Variants in NOTCH1 observed in about 807,000 individuals in gnomAD.
NOTCH1 encodes the protein neurogenic locus notch homolog protein 1.
A neutral mutation model predicts 254.8 loss-of-function variants in NOTCH1; 37 were observed. The observed-to-expected ratio is 0.15, with a 90% CI of 0.11 to 0.19. NOTCH1 has a LOEUF of 0.19. Among genes scored for constraint, NOTCH1 ranks in the 10% least tolerant of loss-of-function variants. The pLI is 1.00. For missense variants in NOTCH1, 2,972 were observed against 3,708.6 expected, an observed-to-expected ratio of 0.80 and a Z score of 5.16; for synonymous variants, 1,731 against 1,618.1, an observed-to-expected ratio of 1.07 and a Z score of -1.68.
intron 27 of NOTCH1, chr9:136,502,742 T>C (rs948086253): frequency 1.8e-6 from 1 of 571,398 alleles, no homozygotes; most frequent in East Asian, 2.9e-5. Context: ...GGAAGGAGGA[T>C]TAGTCAACTT....
chr9:136,521,144 G>A (rs1038345960), intron 4 of NOTCH1, among the ~76,000 whole-genome samples: 3 of 152,216 alleles, frequency 2.0e-5, no homozygotes, highest in Non-Finnish European at 4.4e-5. Flanking sequence ...TGGGTGCAGG[G>A]GCCGCCGGGG....
intron 2 of NOTCH1, among the ~76,000 whole-genome samples, chr9:136,535,393 T>C (rs1386566046): frequency 6.6e-6 from 1 of 151,916 alleles, no homozygotes; most frequent in Non-Finnish European, 1.5e-5. Context: ...CCCCTGAGCC[T>C]GTGAGTGGGG....
rs1299086869 is a variant in NOTCH1, at chr9:136,504,654, G to A, written c.5018+19C>T. The A allele has an allele frequency of 2.0e-6, 3 of 1,491,344 alleles. No homozygotes were observed. The highest frequency in any genetic ancestry group is 2.7e-6 in the Non-Finnish European group (3 of 1,118,056). 92.4% of individuals were successfully genotyped at this position (1,491,344 alleles called of 1,614,324 possible). ...AGGAGAGTTGCGGGGATTGACCGTG[G>A]GCGCCGGGTCTCACTCACCCGCGGA... is the stretch of plus-strand genomic sequence containing the variant. On this transcript the variant is annotated intron_variant, in intron 26 of 33. Transcript: ENST00000651671.
Position 136,522,841 on chromosome 9 carries a change from C to T in NOTCH1, c.742+9G>A. On this transcript the variant is annotated intron_variant, in intron 4 of 33. Transcript: ENST00000651671. ...GGGCTCGTGCACCCCGGCCAGCGGGCAGCACTACCTGGCAGGCAGGCACAC... is the reference window on the plus strand; with the variant it reads ...GGGCTCGTGCACCCCGGCCAGCGGGTAGCACTACCTGGCAGGCAGGCACAC... 1 of 1,479,478 alleles carries T rather than the reference C, an allele frequency of 6.8e-7. No homozygotes were observed. Among genetic ancestry groups the T allele is most frequent in the Non-Finnish European group, 9.0e-7 (1 of 1,115,064 alleles). 91.6% of individuals were successfully genotyped at this position (1,479,478 alleles called of 1,614,324 possible).
Position 136,508,115 on chromosome 9 carries a change from T to C in NOTCH1, c.3350A>G (p.Gln1117Arg), listed in dbSNP as rs764816819. 7 of 1,608,584 alleles carry C rather than the reference T, an allele frequency of 4.4e-6. No homozygotes were observed. Among genetic ancestry groups the C allele is most frequent in the African/African-American group, 4.0e-5 (3 of 74,914 alleles). The change falls in exon 21 of 34, where the codon CAG (glutamine) becomes CGG (arginine). Residue 1117 changes from glutamine (Q) to arginine (R), a missense_variant. Physicochemically the swap from Gln to Arg is conservative, Grantham distance 43. This residue lies in a region of NOTCH1 where 1,343 missense variants were observed against 1,557.0 expected (regional missense o/e 0.86). Coordinates refer to ENST00000651671, the MANE Select transcript of NOTCH1 (RefSeq NM_017617.5). ...CGCGTCCACACAGAGCCCTCCATGC[T>C]GGCACAGGCGGGCAACGTCAACACC... ...RQGVDVARLCQHGGLCVDAGN... is the reference protein window; with the variant it reads ...RQGVDVARLCRHGGLCVDAGN...
Position 136,505,729 on chromosome 9 carries a change from G to A in NOTCH1, c.4167C>T (p.Ser1389=), listed in dbSNP as rs2133340537. Residue 1389 remains serine, a synonymous_variant, in exon 25 of 34, where the codon AGC becomes AGT. Coordinates refer to ENST00000651671, the MANE Select transcript of NOTCH1 (RefSeq NM_017617.5). ...TGPECQFPAS[S]PCLGGNPCYN... is the part of the protein sequence containing the mutation. ...AGCAGGGGTTGCCGCCCAGGCAGGG[G>A]CTGCTGGCCGGGAACTGGCATTCGG... is the stretch of plus-strand genomic sequence containing the variant. 1 of 1,594,642 alleles carries A rather than the reference G, an allele frequency of 6.3e-7. No individual in the cohort carries two copies. Among genetic ancestry groups the A allele is most frequent in the Non-Finnish European group, 8.6e-7 (1 of 1,168,644 alleles).
chr9:136,516,205 ACT>A, intron 9 of NOTCH1, 111 bp from the exon 10 acceptor site: 1 of 778,894 alleles, frequency 1.3e-6, no homozygotes, highest in Non-Finnish European at 2.2e-6. Flanking sequence ...CCCAGGGCAC[ACT>A]CAGCCTGAGC....
rs1564568642 is a variant in NOTCH1, at chr9:136,497,329, G to A, written c.6410C>T (p.Pro2137Leu). Reference sequence around the variant, plus strand: ...GTAGCCGTTGGGCGAGCAGAGCGGGGGCGACAGGGTGGGCGTGCCCCCCAG... The same window carrying A: ...GTAGCCGTTGGGCGAGCAGAGCGGGAGCGACAGGGTGGGCGTGCCCCCCAG... The part of the protein sequence containing the change: ...APLGGTPTLS[P>L]PLCSPNGYLG... Residue 2137 changes from proline (P) to leucine (L), a missense_variant, in exon 34 of 34, where the codon CCC (proline) becomes CTC (leucine). Around this residue, in one of 8 missense-constraint regions of NOTCH1, gnomAD observed 529 missense variants for 529.2 expected, o/e 1.00. Coordinates refer to ENST00000651671, the MANE Select transcript of NOTCH1 (RefSeq NM_017617.5). 1 of 1,606,272 alleles carries A rather than the reference G, an allele frequency of 6.2e-7. No individual in the cohort carries two copies. The highest frequency in any genetic ancestry group is 8.5e-7 in the Non-Finnish European group (1 of 1,179,408).
chr9:136,520,732 C>CA lies in NOTCH1; in HGVS notation c.743-1168dup, dbSNP rs10711760. 7.6e-3 allele frequency among the ~76,000 whole-genome samples: 1,065 copies of CA among 140,602 alleles called. 6 individuals carry two copies. Among genetic ancestry groups the CA allele is most frequent in the Non-Finnish European group, 0.012 (766 of 63,968 alleles). The allele number at this position is 140,602 out of a possible 152,430, so 92.2% of individuals were successfully genotyped here. A position where few individuals can be genotyped will look rare whatever the true frequency, so the allele number is the denominator to read the frequency against. ...CAGCCTGAGTGACAGAGACCTGTCT[C>CA]AAAAAAAAAAAAAAAATTCAGAGCC... On this transcript the variant is annotated intron_variant, in intron 4 of 33. Coordinates refer to ENST00000651671, the MANE Select transcript of NOTCH1 (RefSeq NM_017617.5).
chr9:136,503,010 C>T, intron 27 of NOTCH1, 172 bp downstream of exon 27: 1 of 952,824 alleles, frequency 1.0e-6, no homozygotes, highest in Non-Finnish European at 1.6e-6. Flanking sequence ...GTGACCGCCG[C>T]AGGTGGGGGC....
chr9:136,509,106 G>A (rs1051666376), intron 18 of NOTCH1, 35 bp from the exon 19 acceptor site: 17 of 1,520,738 alleles, frequency 1.1e-5, no homozygotes, highest in Non-Finnish European at 1.5e-5. Context: ...GCTGAGTGGA[G>A]GGCATTGGTG....
chr9:136,505,966 T>C lies in NOTCH1; in HGVS notation c.4015-85A>G, dbSNP rs572525599. ...CTCACACCCAGCCCTCGGCCAGCAG[T>C]GCCACCGCTCTCCTCTAACCTGGGA... On this transcript the variant is annotated intron_variant, in intron 24 of 33. Transcript: ENST00000651671. The C allele has an allele frequency of 7.2e-5, 89 of 1,237,746 alleles. No individual in the cohort carries two copies. The African/African-American group carries it at 1.2e-3, about 17-fold the overall frequency. 76.7% of individuals were successfully genotyped at this position (1,237,746 alleles called of 1,614,324 possible).
intron 12 of NOTCH1, 31 bp downstream of exon 12, chr9:136,515,259 G>C (rs2133362179): frequency 1.3e-6 from 2 of 1,592,584 alleles, no homozygotes; most frequent in Non-Finnish European, 1.7e-6. Flanking sequence ...TGAGCACAGT[G>C]CAGTCAGCCC....
In NOTCH1 at chr9:136,496,216, G is replaced by T; in HGVS notation, c.7523C>A (p.Pro2508His). The T allele has an allele frequency of 6.2e-7, 1 of 1,608,650 alleles. No individual in the cohort carries two copies. Residue 2508 changes from proline (P) to histidine (H), a missense_variant, in exon 34 of 34, where the codon CCC becomes CAC. Coordinates refer to ENST00000651671, the MANE Select transcript of NOTCH1 (RefSeq NM_017617.5). ...GGACTCAGGGGACGGGGTGAGGAAG[G>T]GGTGCTCAGGCACCTGTAGCTGGTG... Reference protein sequence around the residue: ...PSHQLQVPEHPFLTPSPESPD... With the variant: ...PSHQLQVPEHHFLTPSPESPD...
At position 136,545,167 on chromosome 9, in the gene NOTCH1, A is replaced by C. The variant is rs1451446332; in HGVS notation, c.61+559T>G. Reference sequence around the variant, plus strand: ...CTTACGCAACCCCTCCCCCAAACTGAGAGCCGGGCTGGGGGGCACCGGCGG... The same window carrying C: ...CTTACGCAACCCCTCCCCCAAACTGCGAGCCGGGCTGGGGGGCACCGGCGG... On this transcript the variant is annotated intron_variant, in intron 1 of 33. Coordinates refer to ENST00000651671, the MANE Select transcript of NOTCH1 (RefSeq NM_017617.5). This position sits in a 1 kb window ranked among gnomAD's most constrained non-coding sequence, Gnocchi z 6.8. 6.6e-6 allele frequency among the ~76,000 whole-genome samples: 1 copy of C among 150,724 alleles called. No individual in the cohort carries two copies. Among genetic ancestry groups the C allele is most frequent in the Admixed American group, 6.6e-5 (1 of 15,196 alleles).
At position 136,513,971 on chromosome 9, in the gene NOTCH1, T is replaced by C. The variant is rs1843223314; in HGVS notation, c.2208-434A>G. ...AACAGAGCAAGGCTCTGTCTCAAAATAAAGAAAAAAGTGGGGGCCGCAGCG... is the reference window on the plus strand; with the variant it reads ...AACAGAGCAAGGCTCTGTCTCAAAACAAAGAAAAAAGTGGGGGCCGCAGCG... On this transcript the variant is annotated intron_variant, in intron 13 of 33. Transcript: ENST00000651671. This position sits in a 1 kb window ranked among gnomAD's most constrained non-coding sequence, Gnocchi z 4.7. 6.6e-6 allele frequency among the ~76,000 whole-genome samples: 1 copy of C among 151,732 alleles called. No homozygotes were observed. Among genetic ancestry groups the C allele is most frequent in the Admixed American group, 6.6e-5 (1 of 15,230 alleles).
chr9:136,544,686 CG>C (rs1843785920), intron 1 of NOTCH1, among the ~76,000 whole-genome samples: 1 of 152,090 alleles, frequency 6.6e-6, no homozygotes, highest in Admixed American at 6.5e-5. Context: ...ATTGTGGAGT[CG>C]GGGCCGCCTC....
intron 27 of NOTCH1, 21 bp from the exon 28 acceptor site, chr9:136,502,509 G>A (rs2133331952): frequency 2.0e-6 from 3 of 1,472,992 alleles, no homozygotes; most frequent in Non-Finnish European, 2.7e-6. Context: ...GGGGGCCAGG[G>A]GCAGGTGCCC....
chr9:136,513,449 C>G lies in NOTCH1; in HGVS notation c.2296G>C (p.Gly766Arg), dbSNP rs768836936. ...CCACTGGTCATGTCTTTGCAGGTGC[C>G]GCCGTTGACACAAGGGTTGGATTCA... ...ECESNPCVNG[G>R]TCKDMTSGYV... Residue 766 changes from glycine (G) to arginine (R), a missense_variant, in exon 14 of 34, where the codon GGC becomes CGC. Around this residue, in one of 8 missense-constraint regions of NOTCH1, gnomAD observed 1,343 missense variants for 1,557.0 expected, o/e 0.86. Coordinates refer to ENST00000651671, the MANE Select transcript of NOTCH1 (RefSeq NM_017617.5). The surrounding 1 kb of genome is among the most constrained non-coding windows in gnomAD (Gnocchi z 4.7). 2 of 1,613,052 alleles carry G rather than the reference C, an allele frequency of 1.2e-6. No homozygotes were observed. Among genetic ancestry groups the G allele is most frequent in the Non-Finnish European group, 1.7e-6 (2 of 1,180,016 alleles).
Sources: allele counts gnomAD v4.1 joint callset (sites outside exome capture counted in the v4.1 genomes callset), GRCh38; gene constraint gnomAD v4.1.1; regional missense constraint gnomAD v4.1.1; non-coding constraint Gnocchi (gnomAD v3.1); transcripts MANE v1.5; gene names NCBI Gene and HGNC (gene_info 2026-07-23, HGNC 2026-07-21).